Variants in APBB2 observed in about 807,000 individuals in gnomAD.
The protein encoded by APBB2 is Fe65-like 1.
A neutral mutation model predicts 82.5 loss-of-function variants in APBB2; 38 were observed. The observed-to-expected ratio is 0.46, with a 90% CI of 0.36 to 0.60. The LOEUF (loss-of-function observed/expected upper bound fraction) is 0.60. Ranked by LOEUF, APBB2 falls within the 20% of genes least tolerant of loss-of-function variation. The pLI, the probability that APBB2 is intolerant of heterozygous loss-of-function variation, is 0.00. For missense variants in APBB2, 772 were observed against 972.3 expected, an observed-to-expected ratio of 0.79 and a Z score of 2.74; for synonymous variants, 341 against 368.2, an observed-to-expected ratio of 0.93 and a Z score of 0.85.
intron 10 of APBB2, among the ~76,000 whole-genome samples, chr4:40,904,231 G>A (rs564914230): frequency 2.0e-5 from 3 of 152,214 alleles, no homozygotes; most frequent in African/African-American, 7.2e-5. Flanking sequence ...AGGAGTTCGA[G>A]ACCAGCCTGG....
intron 4 of APBB2, among the ~76,000 whole-genome samples, chr4:41,063,861 T>C (rs1730690090): frequency 6.7e-6 from 1 of 150,284 alleles, no homozygotes; most frequent in African/African-American, 2.5e-5. Flanking sequence ...GTATTTTTTG[T>C]AGAGACAGGG....
At chr4:41,187,256 A>G (rs1260460894) in intron 1 of APBB2, among the ~76,000 whole-genome samples, 3 of 152,168 alleles carry the variant, frequency 2.0e-5, no homozygotes, top group African/African-American at 7.2e-5. Flanking sequence ...ATTTCAGGTG[A>G]TTTTTTAAAA....
Position 41,127,662 on chromosome 4 carries a change from C to CA in APBB2, c.-261+15324dup, listed in dbSNP as rs1410674682. Among the ~76,000 whole-genome samples, 1 of 151,952 alleles carries CA rather than the reference C, an allele frequency of 6.6e-6. No homozygotes were observed. Among genetic ancestry groups the CA allele is most frequent in the East Asian group, 1.9e-4 (1 of 5,200 alleles). On this transcript the variant is annotated intron_variant, in intron 2 of 17. Coordinates refer to ENST00000508593, the MANE Select transcript of APBB2 (RefSeq NM_004307.2). This position sits in a 1 kb window ranked among gnomAD's most constrained non-coding sequence, Gnocchi z 4.8. The stretch of plus-strand genomic sequence containing the variant: ...GGAGGAACTTAAACAATTCAATAAG[C>CA]AAAAAAACAAATAACTCCATTAAAA...
rs375749891 is a variant in APBB2, at chr4:41,178,636, T to C, written c.-416-35494A>G. Among the ~76,000 whole-genome samples the C allele has an allele frequency of 5.2e-4, 79 of 152,300 alleles. 3 individuals are homozygous for C. The South Asian group carries it at 0.015, about 28-fold the overall frequency. On this transcript the variant is annotated intron_variant, in intron 1 of 17. Coordinates refer to ENST00000508593, the MANE Select transcript of APBB2 (RefSeq NM_004307.2). Reference sequence around the variant, plus strand: ...TATCAAGGCTCACATCACCATCTAATATGGATGTCCCTTGAGGGTCTGCAA... The same window carrying C: ...TATCAAGGCTCACATCACCATCTAACATGGATGTCCCTTGAGGGTCTGCAA...
At chr4:41,196,386 T>G in intron 1 of APBB2, among the ~76,000 whole-genome samples, 4 of 152,186 alleles carry the variant, frequency 2.6e-5, no homozygotes, top group African/African-American at 9.7e-5. Context: ...AATAAACACA[T>G]GCTGGATGAA....
chr4:41,181,593 A>G (rs1157654255), intron 1 of APBB2, among the ~76,000 whole-genome samples: 3 of 152,162 alleles, frequency 2.0e-5, no homozygotes, highest in African/African-American at 4.8e-5. Flanking sequence ...CTTACTCCTT[A>G]AGAACTCAGT....
chr4:40,824,653 A>G (rs1303689644), intron 15 of APBB2, among the ~76,000 whole-genome samples: 1 of 151,954 alleles, frequency 6.6e-6, no homozygotes, highest in Non-Finnish European at 1.5e-5. Context: ...ATGCCCAGCT[A>G]ATTTTTTGAA....
At chr4:40,975,308 A>G (rs1188698306) in intron 6 of APBB2, among the ~76,000 whole-genome samples, 1 of 152,214 alleles carries the variant, frequency 6.6e-6, no homozygotes, top group African/African-American at 2.4e-5. Flanking sequence ...GTGTTCCAGT[A>G]TATGGACAAC....
Position 41,013,716 on chromosome 4 carries a change from C to T in APBB2, c.702G>A (p.Lys234=), listed in dbSNP as rs2154429574. ...ATVSSSPETK[K]DHPKTGAKTD... is the part of the protein sequence containing the mutation. ...TTTTGGCCCCTGTTTTCGGATGATC[C>T]TTCTTGGTTTCTGGGCTGGATGACA... Residue 234 remains lysine, a synonymous_variant, in exon 6 of 18, where the codon AAG becomes AAA. Coordinates refer to ENST00000508593, the MANE Select transcript of APBB2 (RefSeq NM_004307.2). 1 of 1,614,158 alleles carries T rather than the reference C, an allele frequency of 6.2e-7. No individual in the cohort carries two copies. The highest frequency in any genetic ancestry group is 2.2e-5 in the East Asian group (1 of 44,868).
rs1226329510 is a variant in APBB2, at chr4:40,810,682, C to CATG, written c.*5407_*5409dup. On this transcript the variant is annotated 3_prime_UTR_variant, in exon 18 of 18. Coordinates refer to ENST00000508593, the MANE Select transcript of APBB2 (RefSeq NM_004307.2). ...TTTAAATCCCTGAAGAAGAATTCTT[C>CATG]ATGTTATCACTCTTGTACAGAAAGA... is the stretch of plus-strand genomic sequence containing the variant. 6.6e-6 allele frequency: 1 copy of CATG among 150,876 alleles called. No homozygotes were observed. Among genetic ancestry groups the CATG allele is most frequent in the African/African-American group, 2.4e-5 (1 of 41,006 alleles). 9.3% of individuals were successfully genotyped at this position (150,876 alleles called of 1,614,324 possible). A position where few individuals can be genotyped will look rare whatever the true frequency, so the allele number is the denominator to read the frequency against.
chr4:40,869,626 A>C (rs532725622), intron 12 of APBB2, among the ~76,000 whole-genome samples: 52 of 152,244 alleles, frequency 3.4e-4, no homozygotes, highest in Non-Finnish European at 6.6e-4. Context: ...AATAAGGCAA[A>C]TGTCTAAAGG....
At chr4:40,907,769 G>A (rs575824748) in intron 10 of APBB2, among the ~76,000 whole-genome samples, 2 of 150,288 alleles carry the variant, frequency 1.3e-5, no homozygotes, top group East Asian at 2.0e-4. Context: ...TCACCTTTTG[G>A]GCTCAGCCTC....
intron 1 of APBB2, among the ~76,000 whole-genome samples, chr4:41,163,978 A>G (rs78408243): frequency 0.041 from 6,286 of 152,324 alleles, 144 homozygotes; most frequent in Middle Eastern, 0.058. Flanking sequence ...AATTAATTAT[A>G]AAGAAAAGTC....
chr4:40,920,313 A>G (rs1780926257), intron 10 of APBB2, among the ~76,000 whole-genome samples: 1 of 152,204 alleles, frequency 6.6e-6, no homozygotes, highest in Middle Eastern at 3.2e-3. Flanking sequence ...AGGTCTCCCC[A>G]GCCATGTGGA....
At chr4:40,910,964 T>A (rs1307025764) in intron 10 of APBB2, among the ~76,000 whole-genome samples, 1 of 152,248 alleles carries the variant, frequency 6.6e-6, no homozygotes, top group Non-Finnish European at 1.5e-5. Flanking sequence ...ATAGTAAAAT[T>A]GTACACAGCC....
chr4:40,856,592 G>C (rs1220484476), intron 12 of APBB2, among the ~76,000 whole-genome samples: 1 of 152,226 alleles, frequency 6.6e-6, no homozygotes, highest in Non-Finnish European at 1.5e-5. Flanking sequence ...ATATCTTTCA[G>C]TCCTAATGTA....
intron 10 of APBB2, among the ~76,000 whole-genome samples, chr4:40,922,825 C>T (rs1420212332): frequency 6.6e-6 from 1 of 151,280 alleles, no homozygotes; most frequent in Non-Finnish European, 1.5e-5. Context: ...ACTATGTTGG[C>T]CAGGCTGGTC....
chr4:41,182,160 T>C (rs965134057), intron 1 of APBB2, among the ~76,000 whole-genome samples: 1 of 152,138 alleles, frequency 6.6e-6, no homozygotes, highest in Non-Finnish European at 1.5e-5. Flanking sequence ...GGAGAGACAG[T>C]TGTAAAGTCA....
chr4:40,918,273 CAG>C (rs1780331153), intron 10 of APBB2, among the ~76,000 whole-genome samples: 1 of 152,220 alleles, frequency 6.6e-6, no homozygotes, highest in Admixed American at 6.5e-5. Flanking sequence ...CTCATCTCTA[CAG>C]ACATCTTTCA....
Sources: allele counts gnomAD v4.1 joint callset (sites outside exome capture counted in the v4.1 genomes callset), GRCh38; gene constraint gnomAD v4.1.1; non-coding constraint Gnocchi (gnomAD v3.1); transcripts MANE v1.5; gene names NCBI Gene and HGNC (gene_info 2026-07-23, HGNC 2026-07-21).